ZNF70: variants seen among roughly 807,000 people sequenced by gnomAD.
ZNF70 encodes zinc finger protein 70.
In ZNF70, 18 loss-of-function variants were observed where a neutral mutation model predicts 37.7. The observed-to-expected ratio is 0.48, with a 90% CI of 0.33 to 0.71. ZNF70 has a LOEUF of 0.71. Among genes scored for constraint, ZNF70 ranks in the 30% least tolerant of loss-of-function variants. The pLI, the probability that ZNF70 is intolerant of heterozygous loss-of-function variation, is 0.02. For missense variants in ZNF70, 506 were observed against 568.6 expected, an observed-to-expected ratio of 0.89 and a Z score of 1.12; for synonymous variants, 219 against 220.1, an observed-to-expected ratio of 0.99 and a Z score of 0.05.
chr22:23,744,073 G>A lies in ZNF70; in HGVS notation c.1068C>T (p.Arg356=), dbSNP rs143192177. The change falls in exon 2 of 2, where the codon CGC becomes CGT. Residue 356 remains arginine, a synonymous_variant. Transcript: ENST00000341976. ...SQSSSLIEHQ[R]IHTGEKPYEC... ...CGTAGGGCTTCTCACCGGTGTGGATGCGCTGGTGCTCAATGAGGGAGGAGC... is the reference window on the plus strand; with the variant it reads ...CGTAGGGCTTCTCACCGGTGTGGATACGCTGGTGCTCAATGAGGGAGGAGC... 6.2e-6 allele frequency: 10 copies of A among 1,613,856 alleles called. No homozygotes were observed. The African/African-American group carries it at 1.1e-4, about 17-fold the overall frequency.
rs765363165 is a variant in ZNF70, at chr22:23,745,010, A to G, written c.131T>C (p.Met44Thr). Reference protein sequence around the residue: ...PFLQERGLEQMAVIYKEIPLG... With the variant: ...PFLQERGLEQTAVIYKEIPLG... ...AGGGATCTCCTTGTAGATCACAGCC[A>G]TTTGCTCCAAACCTCTTTCCTGAAG... The change falls in exon 2 of 2, where the codon ATG (methionine) becomes ACG (threonine). Residue 44 changes from methionine (M) to threonine (T), a missense_variant. Transcript: ENST00000341976. 2.5e-6 allele frequency: 4 copies of G among 1,614,076 alleles called. No homozygotes were observed. In the South Asian group the frequency reaches 4.4e-5, roughly 18 times the overall value.
chr22:23,744,846 A>G lies in ZNF70; in HGVS notation c.295T>C (p.Ser99Pro). The stretch of plus-strand genomic sequence containing the variant: ...ATTATCTGACACATGCTGAGGTCGG[A>G]TTTCTGGAGGAAGGTTTGTCCGAAG... The part of the protein sequence containing the change: ...ELFGQTFLQK[S>P]DLSMCQIIHS... The change falls in exon 2 of 2, where the codon TCC (serine) becomes CCC (proline). Residue 99 changes from serine (S) to proline (P), a missense_variant. Transcript: ENST00000341976. The G allele has an allele frequency of 1.9e-6, 3 of 1,614,122 alleles. No individual in the cohort carries two copies. The highest frequency in any genetic ancestry group is 2.5e-6 in the Non-Finnish European group (3 of 1,180,010).
intron 1 of ZNF70, among the ~76,000 whole-genome samples, chr22:23,747,343 C>T (rs980145592): frequency 7.2e-5 from 11 of 152,118 alleles, no homozygotes; most frequent in Non-Finnish European, 1.5e-4. Flanking sequence ...GGAACCCTAT[C>T]GTAAACTGTG....
At chr22:23,749,049 T>G (rs938350270) in intron 1 of ZNF70, among the ~76,000 whole-genome samples, 1 of 151,692 alleles carries the variant, frequency 6.6e-6, no homozygotes, top group Non-Finnish European at 1.5e-5. Flanking sequence ...GCTAACACGG[T>G]GAAACCCTGT....
chr22:23,746,704 C>A (rs574035950), intron 1 of ZNF70, among the ~76,000 whole-genome samples: 8 of 152,136 alleles, frequency 5.3e-5, no homozygotes, highest in Non-Finnish European at 1.2e-4. Flanking sequence ...GTGATCCTCC[C>A]ACCTCAGCCT....
In ZNF70 at chr22:23,741,439, C is replaced by T. The variant is rs556293006; in HGVS notation, c.*2361G>A. 23 of 152,286 alleles carry T rather than the reference C, an allele frequency of 1.5e-4. No homozygotes were observed. The highest frequency in any genetic ancestry group is 4.8e-4 in the African/African-American group (20 of 41,562). 9.4% of individuals were successfully genotyped at this position (152,286 alleles called of 1,614,324 possible). A position where few individuals can be genotyped will look rare whatever the true frequency, so the allele number is the denominator to read the frequency against. On this transcript the variant is annotated 3_prime_UTR_variant, in exon 2 of 2. Coordinates refer to ENST00000341976, the MANE Select transcript of ZNF70 (RefSeq NM_021916.4). ...GAGGGTTCTGGTGGACAATGGAGTG[C>T]TGGTTAAATGTTAAATGTTTCACAT...
chr22:23,745,158 C>T lies in ZNF70; in HGVS notation c.-18G>A. The T allele has an allele frequency of 1.0e-5, 16 of 1,600,574 alleles. No homozygotes were observed. Among genetic ancestry groups the T allele is most frequent in the Non-Finnish European group, 1.4e-5 (16 of 1,171,974 alleles). ...ACCTCCATTGTGAATCTGCTATCATCCCCAATGGTTGTATTTCTTTAAAAA... is the reference window on the plus strand; with the variant it reads ...ACCTCCATTGTGAATCTGCTATCATTCCCAATGGTTGTATTTCTTTAAAAA... On this transcript the variant is annotated 5_prime_UTR_variant, in exon 2 of 2. Coordinates refer to ENST00000341976, the MANE Select transcript of ZNF70 (RefSeq NM_021916.4).
intron 1 of ZNF70, among the ~76,000 whole-genome samples, chr22:23,746,247 C>G (rs1409835413): frequency 2.8e-5 from 4 of 141,714 alleles, no homozygotes; most frequent in Non-Finnish European, 4.6e-5. Context: ...CACTCTTTCA[C>G]CCAGGCTGGA....
Position 23,744,272 on chromosome 22 carries a change from C to A in ZNF70, c.869G>T (p.Cys290Phe), listed in dbSNP as rs778695047. 1 of 1,613,798 alleles carries A rather than the reference C, an allele frequency of 6.2e-7. No homozygotes were observed. Among genetic ancestry groups the A allele is most frequent in the South Asian group, 1.1e-5 (1 of 91,054 alleles). ...HECDLCGKAF[C>F]HRSHLIRHQR... ...GTGTCGGATGAGGTGTGACCTGTGA[C>A]AAAAGGCTTTCCCACAGAGATCGCA... is the stretch of plus-strand genomic sequence containing the variant. Residue 290 changes from cysteine (C) to phenylalanine (F), a missense_variant, in exon 2 of 2, where the codon TGT (cysteine) becomes TTT (phenylalanine). Transcript: ENST00000341976.
chr22:23,746,511 G>T (rs1181183673), intron 1 of ZNF70, among the ~76,000 whole-genome samples: 1 of 151,832 alleles, frequency 6.6e-6, no homozygotes, highest in East Asian at 1.9e-4. Flanking sequence ...CTGGCCTGGT[G>T]GTTCCCTTCT....
chr22:23,744,505 C>A lies in ZNF70; in HGVS notation c.636G>T (p.Thr212=). The A allele has an allele frequency of 4.3e-6, 7 of 1,611,424 alleles. No individual in the cohort carries two copies. The highest frequency in any genetic ancestry group is 5.9e-6 in the Non-Finnish European group (7 of 1,179,202). ...TTCCGGTGTGGATCTTTTGGTGTTGCGTGAGGGCTGAGCTCTGGCGGAAGG... is the reference window on the plus strand; with the variant it reads ...TTCCGGTGTGGATCTTTTGGTGTTGAGTGAGGGCTGAGCTCTGGCGGAAGG... ...GKAFRQSSAL[T]QHQKIHTGKR... The change falls in exon 2 of 2, where the codon ACG becomes ACT. Residue 212 remains threonine (T), a synonymous_variant. Coordinates refer to ENST00000341976, the MANE Select transcript of ZNF70 (RefSeq NM_021916.4).
chr22:23,748,837 G>A (rs778849212), intron 1 of ZNF70, among the ~76,000 whole-genome samples: 8 of 151,828 alleles, frequency 5.3e-5, no homozygotes, highest in East Asian at 1.9e-4. Flanking sequence ...GAGCCACCAC[G>A]CCCAGCCCAG....
In ZNF70 at chr22:23,739,076, G is replaced by C. The variant is rs1241469781; in HGVS notation, c.*4724C>G. On this transcript the variant is annotated 3_prime_UTR_variant, in exon 2 of 2. Coordinates refer to ENST00000341976, the MANE Select transcript of ZNF70 (RefSeq NM_021916.4). ...TGAAAGTCAGAGAAAATATGGATTT[G>C]AATAAAATAATGAAAAAATTGAGTT... The C allele has an allele frequency of 1.3e-5, 2 of 151,938 alleles. No individual in the cohort carries two copies. Among genetic ancestry groups the C allele is most frequent in the Non-Finnish European group, 2.9e-5 (2 of 67,990 alleles). 9.4% of individuals were successfully genotyped at this position (151,938 alleles called of 1,614,324 possible).
At chr22:23,749,280 C>T (rs1301522692) in intron 1 of ZNF70, among the ~76,000 whole-genome samples, 3 of 127,220 alleles carry the variant, frequency 2.4e-5, no homozygotes, top group South Asian at 2.8e-4. Flanking sequence ...ACCTGGGGGG[C>T]GGAGGTTGCA....
rs1925311481 is a variant in ZNF70 at position 23,751,021 on chromosome 22, C to T, written c.-390G>A. 2 of 152,108 alleles carry T rather than the reference C, an allele frequency of 1.3e-5. No individual in the cohort carries two copies. Among genetic ancestry groups the T allele is most frequent in the Non-Finnish European group, 2.9e-5 (2 of 68,042 alleles). 9.4% of individuals were successfully genotyped at this position (152,108 alleles called of 1,614,324 possible). ...GCAGCTCACCTGGGCCGGGGCGGGGCCGCAGGCGGGCGGGGCGGGGCCGCA... is the reference window on the plus strand; with the variant it reads ...GCAGCTCACCTGGGCCGGGGCGGGGTCGCAGGCGGGCGGGGCGGGGCCGCA... On this transcript the variant is annotated 5_prime_UTR_variant, in exon 1 of 2. Transcript: ENST00000341976.
intron 1 of ZNF70, among the ~76,000 whole-genome samples, chr22:23,749,084 C>T (rs906795738): frequency 6.6e-6 from 1 of 151,338 alleles, no homozygotes; most frequent in African/African-American, 2.4e-5. Context: ...CAAAAAAGGC[C>T]GGACGCGGTG....
In ZNF70 at chr22:23,744,392, C is replaced by G; in HGVS notation, c.749G>C (p.Arg250Thr). The change falls in exon 2 of 2, where the codon AGA becomes ACA. Residue 250 changes from arginine to threonine, a missense_variant. Coordinates refer to ENST00000341976, the MANE Select transcript of ZNF70 (RefSeq NM_021916.4). ...RKHERIHTGE[R>T]PYQCKECGKS... ...CCCACATTCCTTACACTGATAAGGT[C>G]TCTCTCCTGTATGAATTCTCTCGTG... 6.2e-7 allele frequency: 1 copy of G among 1,614,042 alleles called. No homozygotes were observed. The highest frequency in any genetic ancestry group is 8.5e-7 in the Non-Finnish European group (1 of 1,180,010).
rs747932728 is a variant in ZNF70 at position 23,738,684 on chromosome 22, C to T, written c.*5116G>A. The T allele has an allele frequency of 6.6e-6, 1 of 152,140 alleles. No individual in the cohort carries two copies. The highest frequency in any genetic ancestry group is 1.9e-4 in the East Asian group (1 of 5,182). 9.4% of individuals were successfully genotyped at this position (152,140 alleles called of 1,614,324 possible). ...AATATATCACTATTAAATATATATGCCCCAAACATGATACTTATTTATTGA... is the reference window on the plus strand; with the variant it reads ...AATATATCACTATTAAATATATATGTCCCAAACATGATACTTATTTATTGA... On this transcript the variant is annotated 3_prime_UTR_variant, in exon 2 of 2. Coordinates refer to ENST00000341976, the MANE Select transcript of ZNF70 (RefSeq NM_021916.4).
In ZNF70 at chr22:23,744,429, T is replaced by A; in HGVS notation, c.712A>T (p.Ser238Cys). The change falls in exon 2 of 2, where the codon AGC becomes TGC. Residue 238 changes from serine to cysteine, a missense_variant. Coordinates refer to ENST00000341976, the MANE Select transcript of ZNF70 (RefSeq NM_021916.4). ...ECGKDFSRSS[S>C]LRKHERIHTG... ...TGAATTCTCTCGTGTTTTCTGAGGC[T>A]GGAGCTCCGGCTGAAATCTTTCCCG... is the stretch of plus-strand genomic sequence containing the variant. The A allele has an allele frequency of 1.2e-6, 2 of 1,614,000 alleles. No individual in the cohort carries two copies. Among genetic ancestry groups the A allele is most frequent in the Non-Finnish European group, 1.7e-6 (2 of 1,179,998 alleles).
Sources: gnomAD v4.1 joint callset for allele counts (sites outside exome capture counted in the v4.1 genomes callset) on GRCh38, gnomAD v4.1.1 for gene constraint, MANE v1.5 for transcripts, NCBI Gene and HGNC (gene_info 2026-07-23, HGNC 2026-07-21) for gene names.